Variants in PODNL1 observed in about 807,000 individuals in gnomAD.
PODNL1 encodes podocan like 1, also known as podocan-like protein 1.
PODNL1 carries 50 observed loss-of-function variants against 45.1 expected under a neutral mutation model. The ratio of observed to expected loss-of-function variants is 1.11; its 90% CI spans 0.88 to 1.40. PODNL1 has a LOEUF of 1.40. Ranked by LOEUF, PODNL1 falls within the 40% of genes most tolerant of loss-of-function variation. The probability of loss-of-function intolerance (pLI) is 0.00; values close to 1 mark genes in which losing one functional copy is unlikely to be tolerated. For missense variants in PODNL1, 788 were observed against 793.3 expected, an observed-to-expected ratio of 0.99 and a Z score of 0.08; for synonymous variants, 406 against 372.5, an observed-to-expected ratio of 1.09 and a Z score of -1.04.
intron 3 of PODNL1, 108 bp from the exon 4 acceptor site, chr19:13,936,152 TC>T: frequency 1.9e-6 from 2 of 1,076,998 alleles, no homozygotes; most frequent in Non-Finnish European, 2.7e-6. Context: ...TGGCAGAGGC[TC>T]CCCAGGCCCT....
chr19:13,934,820 T>G (rs1036010000), intron 5 of PODNL1, among the ~76,000 whole-genome samples: 2 of 152,034 alleles, frequency 1.3e-5, no homozygotes, highest in Non-Finnish European at 2.9e-5. Context: ...AGTGTGGGTG[T>G]GCATGTGTGC....
chr19:13,942,617 T>C (rs1972690415), upstream of PODNL1, among the ~76,000 whole-genome samples: 1 of 152,170 alleles, frequency 6.6e-6, no homozygotes, highest in Non-Finnish European at 1.5e-5. Flanking sequence ...TGGAGTATGG[T>C]CCATCAATGT....
Position 13,933,272 on chromosome 19 carries a change from C to T in PODNL1, c.951G>A (p.Gly317=). Reference sequence around the variant, plus strand: ...GAGCCCCGGCGGGCAGCCCTGAGCTCCCCAGCTGGTTGTGCTGCAGCAACA... The same window carrying T: ...GAGCCCCGGCGGGCAGCCCTGAGCTTCCCAGCTGGTTGTGCTGCAGCAACA... ...RYLLLQHNQL[G]SSGLPAGALR... The change falls in exon 8 of 10, where the codon GGG becomes GGA. Residue 317 remains glycine (G), a synonymous_variant. Transcript: ENST00000588872. The surrounding 1 kb of genome is among the most constrained non-coding windows in gnomAD (Gnocchi z 5.2). The T allele has an allele frequency of 6.4e-7, 1 of 1,565,502 alleles. No homozygotes were observed.
At position 13,933,413 on chromosome 19, in the gene PODNL1, C is replaced by A; in HGVS notation, c.810G>T (p.Gln270His). ...GCAGGCCGGCGGGCACTGTGGTCAG[C>A]TGGTTGTGGGAGAGATCCAGGTATT... ...SLEYLDLSHN[Q>H]LTTVPAGLPR... The change falls in exon 8 of 10, where the codon CAG becomes CAT. Residue 270 changes from glutamine (Q) to histidine (H), a missense_variant. Gln to His is a conservative substitution (Grantham distance 24). Transcript: ENST00000588872. This position sits in a 1 kb window ranked among gnomAD's most constrained non-coding sequence, Gnocchi z 5.2. 6.3e-7 allele frequency: 1 copy of A among 1,597,420 alleles called. No individual in the cohort carries two copies. Among genetic ancestry groups the A allele is most frequent in the Non-Finnish European group, 8.5e-7 (1 of 1,173,678 alleles).
rs190991584 is a variant in PODNL1 at position 13,953,021 on chromosome 19, C to T, written c.18+98G>A. 43 of 1,365,114 alleles carry T rather than the reference C, an allele frequency of 3.1e-5. No individual in the cohort carries two copies. The Admixed American group carries it at 8.5e-4, about 27-fold the overall frequency. The allele number at this position is 1,365,114 out of a possible 1,614,324, so 84.6% of individuals were successfully genotyped here. A position where few individuals can be genotyped will look rare whatever the true frequency, so the allele number is the denominator to read the frequency against. On this transcript the variant is annotated intron_variant, in intron 1 of 7. Coordinates refer to the PODNL1 transcript ENST00000538371. ...GCTCCATAATGGAACCTTCCCGCCC[C>T]CTTTGCAGAGCCCCTGCCGCTGGCT... is the stretch of plus-strand genomic sequence containing the variant.
chr19:13,947,790 C>A (rs953390221), intron 1 of PODNL1, among the ~76,000 whole-genome samples: 13 of 152,204 alleles, frequency 8.5e-5, no homozygotes, highest in Non-Finnish European at 1.8e-4. Flanking sequence ...GCCCCTATCC[C>A]AATATCTTGT....
chr19:13,934,156 G>A (rs942643711), intron 6 of PODNL1, 98 bp downstream of exon 6: 13 of 1,396,766 alleles, frequency 9.3e-6, no homozygotes, highest in African/African-American at 1.4e-5. Flanking sequence ...GGCATTCTGA[G>A]GGGCAATTGA....
chr19:13,932,309 C>A, intron 8 of PODNL1, 197 bp from the exon 9 acceptor site: 1 of 583,426 alleles, frequency 1.7e-6, no homozygotes, highest in Non-Finnish European at 2.6e-6. Context: ...CACAGACAGA[C>A]AGGTCCCCAC....
At chr19:13,952,173 G>A (rs944090287) in intron 1 of PODNL1, among the ~76,000 whole-genome samples, 3 of 152,256 alleles carry the variant, frequency 2.0e-5, no homozygotes, top group African/African-American at 4.8e-5. Context: ...GGCCTGGACC[G>A]CCTGTGGTCT....
Position 13,933,321 on chromosome 19 carries a change from T to C in PODNL1, c.902A>G (p.His301Arg). 1.3e-6 allele frequency: 2 copies of C among 1,599,378 alleles called. No individual in the cohort carries two copies. Among genetic ancestry groups the C allele is most frequent in the Admixed American group, 1.7e-5 (1 of 58,886 alleles). Reference protein sequence around the residue: ...RIRQVEAARLHGARGLRYLLL... With the variant: ...RIRQVEAARLRGARGLRYLLL... Reference sequence around the variant, plus strand: ...CAAATAGCGCAGACCACGCGCCCCGTGCAGCCGAGCCGCCTCCACCTGCCG... The same window carrying C: ...CAAATAGCGCAGACCACGCGCCCCGCGCAGCCGAGCCGCCTCCACCTGCCG... Residue 301 changes from histidine (H) to arginine (R), a missense_variant, in exon 8 of 10, where the codon CAC (histidine) becomes CGC (arginine). By Grantham distance (29) the His-to-Arg change is conservative (BLOSUM62 0). Coordinates refer to ENST00000588872, the MANE Select transcript of PODNL1 (RefSeq NM_001370095.3). The surrounding 1 kb of genome is among the most constrained non-coding windows in gnomAD (Gnocchi z 5.2).
intron 1 of PODNL1, among the ~76,000 whole-genome samples, chr19:13,948,500 C>T (rs1362936043): frequency 6.6e-6 from 1 of 150,820 alleles, no homozygotes; most frequent in Non-Finnish European, 1.5e-5. Flanking sequence ...GTGTGAGCCA[C>T]CATGCCCGGC....
At chr19:13,953,212 C>A in exon 1 of PODNL1, 1 of 1,387,152 alleles carries the variant, frequency 7.2e-7, no homozygotes, top group Non-Finnish European at 9.7e-7. Context: ...GGCTCTGTCT[C>A]CTCCATCAGA....
intron 8 of PODNL1, 31 bp downstream of exon 8, chr19:13,932,767 G>A (rs751420629): frequency 5.0e-6 from 8 of 1,612,792 alleles, no homozygotes; most frequent in Non-Finnish European, 6.8e-6. Flanking sequence ...GGGGCCCTGG[G>A]GACAGTGTGG....
At position 13,935,732 on chromosome 19, in the gene PODNL1, C is replaced by T; in HGVS notation, c.483G>A (p.Lys161=). The part of the protein sequence containing the change: ...MEIFPLTFGE[K]PALRSVYLHN... ...GGGCCAGGGTCTACCTGAGTGCCGG[C>T]TTCTCCCCAAAGGTGAGGGGGAAGA... is the stretch of plus-strand genomic sequence containing the variant. The change falls in exon 5 of 10, where the codon AAG becomes AAA. Residue 161 remains lysine (K), a synonymous_variant. Coordinates refer to ENST00000588872, the MANE Select transcript of PODNL1 (RefSeq NM_001370095.3). 1 of 1,570,880 alleles carries T rather than the reference C, an allele frequency of 6.4e-7. No homozygotes were observed. The highest frequency in any genetic ancestry group is 8.6e-7 in the Non-Finnish European group (1 of 1,162,666).
rs562723161 is a variant in PODNL1 at position 13,933,496 on chromosome 19, G to A, written c.768-41C>T. On this transcript the variant is annotated intron_variant, in intron 7 of 9. Transcript: ENST00000588872. This position sits in a 1 kb window ranked among gnomAD's most constrained non-coding sequence, Gnocchi z 5.2. ...GTCGGTGTTAGGTGGGGCACTTGGA[G>A]TGGGGTGCCTGACAGATTTTGGCGG... 1.3e-6 allele frequency: 2 copies of A among 1,516,016 alleles called. No individual in the cohort carries two copies. Among genetic ancestry groups the A allele is most frequent in the South Asian group, 1.3e-5 (1 of 78,180 alleles). 93.9% of individuals were successfully genotyped at this position (1,516,016 alleles called of 1,614,324 possible). A position where few individuals can be genotyped will look rare whatever the true frequency, so the allele number is the denominator to read the frequency against.
Position 13,936,428 on chromosome 19 carries a change from C to CTCAT in PODNL1, c.254_257dup (p.Leu87Ter). The CTCAT allele has an allele frequency of 1.2e-6, 2 of 1,613,486 alleles. No individual in the cohort carries two copies. The highest frequency in any genetic ancestry group is 1.7e-6 in the Non-Finnish European group (2 of 1,179,654). On this transcript the variant is annotated stop_gained and frameshift_variant, in exon 3 of 10. Coordinates refer to ENST00000588872, the MANE Select transcript of PODNL1 (RefSeq NM_001370095.3). LOFTEE classifies it high-confidence loss of function. ...TTCGCAGGCCACTGAGGCGGGACAG[C>CTCAT]TCATTGTAGGGGAGTTCCTGGAGCT...
At chr19:13,943,028 T>A (rs112485360), upstream of PODNL1, among the ~76,000 whole-genome samples, 213 of 142,054 alleles carry the variant, frequency 1.5e-3, no homozygotes, top group African/African-American at 5.3e-3. Context: ...CCAGGCACGG[T>A]GTCTCATGCT....
In PODNL1 at chr19:13,933,536, G is replaced by T; in HGVS notation, c.768-81C>A. 2.9e-6 allele frequency: 4 copies of T among 1,400,364 alleles called. No homozygotes were observed. Among genetic ancestry groups the T allele is most frequent in the Non-Finnish European group, 3.8e-6 (4 of 1,043,060 alleles). The allele number at this position is 1,400,364 out of a possible 1,614,324, so 86.7% of individuals were successfully genotyped here. ...GATTTTGGCGGGGAGGCTGGGGAGT[G>T]GTCCTGAGACAGATTTAAGCTGGAG... On this transcript the variant is annotated intron_variant, in intron 7 of 9. Coordinates refer to ENST00000588872, the MANE Select transcript of PODNL1 (RefSeq NM_001370095.3). The surrounding 1 kb of genome is among the most constrained non-coding windows in gnomAD (Gnocchi z 5.2).
Position 13,938,325 on chromosome 19 carries a change from C to T in PODNL1, c.-144G>A, listed in dbSNP as rs1284491034. 16 of 1,436,090 alleles carry T rather than the reference C, an allele frequency of 1.1e-5. No individual in the cohort carries two copies. The highest frequency in any genetic ancestry group is 1.5e-5 in the Non-Finnish European group (16 of 1,091,606). The allele number at this position is 1,436,090 out of a possible 1,614,324, so 89.0% of individuals were successfully genotyped here. ...ATGCCACCCCCCACAACAGCCTGTT[C>T]TCCCGGGGCTTTGGGGGAGCTGGCC... On this transcript the variant is annotated 5_prime_UTR_variant, in exon 1 of 10. Coordinates refer to ENST00000588872, the MANE Select transcript of PODNL1 (RefSeq NM_001370095.3).
Sources: allele counts gnomAD v4.1 joint callset (sites outside exome capture counted in the v4.1 genomes callset), GRCh38; gene constraint gnomAD v4.1.1; non-coding constraint Gnocchi (gnomAD v3.1); transcripts MANE v1.5; gene names NCBI Gene and HGNC (gene_info 2026-07-23, HGNC 2026-07-21).